The following OR2L3 variants were observed in gnomAD, a reference collection of about 807,000 sequenced individuals.
The protein encoded by OR2L3 is olfactory receptor family 2 subfamily L member 3, also known as olfactory receptor 2L3.
For synonymous variants in OR2L3, 131 were observed against 139.1 expected (o/e 0.94, Z 0.41); for missense variants, 369 against 376.6 (o/e 0.98, Z 0.17).
At chr1:248,060,518 A>T in intron 1 of OR2L3, 143 bp from the exon 2 acceptor site, 1 of 609,990 alleles carries the variant, frequency 1.6e-6, no homozygotes, top group Non-Finnish European at 2.9e-6. Context: ...ACTTTATCAG[A>T]AGTATGTGTG....
chr1:248,056,284 T>C lies in OR2L3; in HGVS notation c.-21-4377T>C, dbSNP rs564317895. ...TCTTGATAGTGGTCTACCTAGTTTA[T>C]TGATTTTTTTTTCAAAAACCAGCTC... is the stretch of plus-strand genomic sequence containing the variant. On this transcript the variant is annotated intron_variant, in intron 1 of 1. Transcript: ENST00000359959. 5.4e-4 allele frequency among the ~76,000 whole-genome samples: 83 copies of C among 152,322 alleles called. No homozygotes were observed. In the South Asian group the frequency reaches 0.017, roughly 30 times the overall value.
At chr1:248,049,761 T>C (rs1663195737) in intron 1 of OR2L3, among the ~76,000 whole-genome samples, 1 of 152,226 alleles carries the variant, frequency 6.6e-6, no homozygotes, top group South Asian at 2.1e-4. Context: ...ATTTTTGTTT[T>C]GACTGATTAA....
At chr1:248,052,789 G>A (rs1558199673) in intron 1 of OR2L3, among the ~76,000 whole-genome samples, 1 of 151,758 alleles carries the variant, frequency 6.6e-6, no homozygotes, top group East Asian at 1.9e-4. Context: ...TTCCAAAAAA[G>A]TCAAGATTTT....
intron 1 of OR2L3, among the ~76,000 whole-genome samples, chr1:248,051,612 T>C (rs1266687788): frequency 1.3e-5 from 2 of 152,108 alleles, no homozygotes; most frequent in African/African-American, 4.8e-5. Context: ...AGGCAAGGGT[T>C]GGAAAGCTAC....
Position 248,061,349 on chromosome 1 carries a change from C to T in OR2L3, c.668C>T (p.Ala223Val). ...ISCSYGRVLL[A>V]VYHMKSAEGR... ...TGTTCCTATGGCCGGGTTCTCCTTG[C>T]TGTCTACCACATGAAATCTGCAGAA... Residue 223 changes from alanine (A) to valine (V), a missense_variant, in exon 2 of 2, where the codon GCT becomes GTT. By Grantham distance (64) the Ala-to-Val change is moderately conservative (BLOSUM62 0). Transcript: ENST00000359959. 1 of 1,614,002 alleles carries T rather than the reference C, an allele frequency of 6.2e-7. No homozygotes were observed. The highest frequency in any genetic ancestry group is 8.5e-7 in the Non-Finnish European group (1 of 1,180,010).
chr1:248,056,496 A>G (rs932095021), intron 1 of OR2L3, among the ~76,000 whole-genome samples: 1 of 152,078 alleles, frequency 6.6e-6, no homozygotes, highest in Admixed American at 6.6e-5. Context: ...ATTTAGTGCA[A>G]TAAATGTCCC....
chr1:248,050,340 A>G (rs1157308446), intron 1 of OR2L3, among the ~76,000 whole-genome samples: 1 of 152,160 alleles, frequency 6.6e-6, no homozygotes, highest in Non-Finnish European at 1.5e-5. Context: ...TTCTGTTAAT[A>G]CAAAAGTAAA....
chr1:248,048,180 A>C (rs1663142269), intron 1 of OR2L3, among the ~76,000 whole-genome samples: 2 of 152,162 alleles, frequency 1.3e-5, no homozygotes, highest in Non-Finnish European at 1.5e-5. Flanking sequence ...GAGCTGATGC[A>C]CCATCGTGGA....
Position 248,061,997 on chromosome 1 carries a change from G to T in OR2L3, c.*377G>T. On this transcript the variant is annotated 3_prime_UTR_variant, in exon 2 of 2. Transcript: ENST00000359959. ...ATTTTAAATTTACTTTTTTGTTTAT[G>T]TCTAAAACAAAACAAAAAATAAGTC... 6.0e-6 allele frequency: 1 copy of T among 166,874 alleles called. No homozygotes were observed. Among genetic ancestry groups the T allele is most frequent in the Non-Finnish European group, 1.3e-5 (1 of 76,802 alleles). The allele number at this position is 166,874 out of a possible 1,614,324, so 10.3% of individuals were successfully genotyped here. A position where few individuals can be genotyped will look rare whatever the true frequency, so the allele number is the denominator to read the frequency against.
intron 1 of OR2L3, among the ~76,000 whole-genome samples, chr1:248,051,923 A>G (rs970531994): frequency 5.3e-4 from 81 of 152,316 alleles, no homozygotes; most frequent in African/African-American, 1.8e-3. Context: ...ATGAGTTTAT[A>G]GGAACATAAC....
At position 248,060,829 on chromosome 1, in the gene OR2L3, T is replaced by G. The variant is rs755867025; in HGVS notation, c.148T>G (p.Leu50Val). 8.7e-6 allele frequency: 14 copies of G among 1,614,034 alleles called. No homozygotes were observed. The highest frequency in any genetic ancestry group is 1.2e-5 in the Non-Finnish European group (14 of 1,179,920). ...CCTATCCATGATTCTTCTCATCTTC[T>G]TGGACACCCATCTCCACACACCCAT... ...GNLSMILLIFLDTHLHTPMYF... is the reference protein window; with the variant it reads ...GNLSMILLIFVDTHLHTPMYF... Residue 50 changes from leucine (L) to valine (V), a missense_variant, in exon 2 of 2, where the codon TTG becomes GTG. Leu to Val is a conservative substitution (Grantham distance 32). Transcript: ENST00000359959.
At position 248,059,338 on chromosome 1, in the gene OR2L3, G is replaced by A. The variant is rs139210520; in HGVS notation, c.-21-1323G>A. ...TAGAGTTTCTAACGCACCTCTACCC[G>A]GAAGTTTGTCAGAATTCTAGTTTCC... On this transcript the variant is annotated intron_variant, in intron 1 of 1. Coordinates refer to ENST00000359959, the MANE Select transcript of OR2L3 (RefSeq NM_001004687.2). Among the ~76,000 whole-genome samples the A allele has an allele frequency of 7.3e-4, 111 of 152,212 alleles. 2 individuals are homozygous for A. The highest frequency in any genetic ancestry group is 3.4e-3 in the Middle Eastern group (1 of 294).
At chr1:248,059,307 C>T (rs143348216) in intron 1 of OR2L3, among the ~76,000 whole-genome samples, 100 of 152,316 alleles carry the variant, frequency 6.6e-4, no homozygotes, top group African/African-American at 2.4e-3. Flanking sequence ...TGTCTTCTAT[C>T]TGGAGTAGAG....
intron 1 of OR2L3, among the ~76,000 whole-genome samples, chr1:248,047,556 AT>A (rs1332888143): frequency 1.3e-5 from 2 of 152,130 alleles, no homozygotes; most frequent in African/African-American, 4.8e-5. Context: ...AGGTATCCAG[AT>A]TTTGTTTTTA....
At chr1:248,049,789 T>C (rs1351978852) in intron 1 of OR2L3, among the ~76,000 whole-genome samples, 2 of 152,322 alleles carry the variant, frequency 1.3e-5, no homozygotes, top group East Asian at 3.9e-4. Flanking sequence ...ACCAGCCTTA[T>C]TTCAGATTTA....
At position 248,061,570 on chromosome 1, in the gene OR2L3, AT is replaced by A. The variant is rs1558204601; in HGVS notation, c.890del (p.Met297ArgfsTer4). The stretch of plus-strand genomic sequence containing the variant: ...CTATAGCCTGAGGAACAAGGAGGTG[AT>A]GGGGGCCCTGACACGAGTGAGTCAG... ...IIYSLRNKEV[M>X]GALTRVSQRI... On this transcript the variant is annotated frameshift_variant, in exon 2 of 2. Transcript: ENST00000359959. LOFTEE classifies it low-confidence loss of function (END_TRUNC). 1 of 1,613,652 alleles carries A rather than the reference AT, an allele frequency of 6.2e-7. No homozygotes were observed. Among genetic ancestry groups the A allele is most frequent in the East Asian group, 2.2e-5 (1 of 44,878 alleles).
chr1:248,051,561 C>G (rs1407317970), intron 1 of OR2L3, among the ~76,000 whole-genome samples: 1 of 152,068 alleles, frequency 6.6e-6, no homozygotes, highest in Non-Finnish European at 1.5e-5. Context: ...AAGATGGGAA[C>G]AGTAGACACT....
Position 248,060,695 on chromosome 1 carries a change from A to G in OR2L3, c.14A>G (p.Asn5Ser). 1 of 1,612,586 alleles carries G rather than the reference A, an allele frequency of 6.2e-7. No homozygotes were observed. The highest frequency in any genetic ancestry group is 8.5e-7 in the Non-Finnish European group (1 of 1,178,910). Residue 5 changes from asparagine to serine, a missense_variant, in exon 2 of 2, where the codon AAT becomes AGT. Transcript: ENST00000359959. MENY[N>S]QTSTDFILLG... ...CACGAATGCCCCATGGAAAATTACA[A>G]TCAAACATCAACTGATTTCATCTTA...
chr1:248,048,763 G>A (rs1663163927), intron 1 of OR2L3, among the ~76,000 whole-genome samples: 2 of 151,994 alleles, frequency 1.3e-5, no homozygotes, highest in African/African-American at 4.8e-5. Context: ...TTTAGATATC[G>A]CTTCAGAAGA....
Sources: gnomAD v4.1 joint callset for allele counts (sites outside exome capture counted in the v4.1 genomes callset) on GRCh38, gnomAD v4.1.1 for gene constraint, MANE v1.5 for transcripts, NCBI Gene and HGNC (gene_info 2026-07-23, HGNC 2026-07-21) for gene names.